HPSE2: variants seen among roughly 807,000 people sequenced by gnomAD.
HPSE2 encodes heparanase 2 (inactive).
HPSE2 carries 38 observed loss-of-function variants against 60.5 expected under a neutral mutation model. The ratio of observed to expected loss-of-function variants is 0.63; its 90% CI spans 0.48 to 0.82. The LOEUF is 0.82. HPSE2 is among the 40% of genes least tolerant of loss of function. The pLI, the probability that HPSE2 is intolerant of heterozygous loss-of-function variation, is 0.00. For missense variants in HPSE2, 713 were observed against 740.4 expected, an observed-to-expected ratio of 0.96 and a Z score of 0.43; for synonymous variants, 295 against 293.2, an observed-to-expected ratio of 1.01 and a Z score of -0.06.
At chr10:98,488,449 A>T (rs1941519894) in intron 10 of HPSE2, among the ~76,000 whole-genome samples, 1 of 152,122 alleles carries the variant, frequency 6.6e-6, no homozygotes, top group South Asian at 2.1e-4. Context: ...TTCATGGTAC[A>T]CTCAGAATAT....
chr10:98,544,712 C>A (rs1943601751), intron 9 of HPSE2, among the ~76,000 whole-genome samples: 3 of 71,044 alleles, frequency 4.2e-5, no homozygotes, highest in African/African-American at 1.8e-4. Flanking sequence ...GACTCCGTCT[C>A]AAAAAAAAAA....
intron 3 of HPSE2, among the ~76,000 whole-genome samples, chr10:99,080,825 T>G (rs1843108399): frequency 6.6e-6 from 1 of 151,992 alleles, no homozygotes; most frequent in East Asian, 1.9e-4. Flanking sequence ...TACAATGAGG[T>G]TTTTTTTCAC....
At chr10:98,887,498 T>C (rs929661790) in intron 3 of HPSE2, among the ~76,000 whole-genome samples, 1 of 151,916 alleles carries the variant, frequency 6.6e-6, no homozygotes, top group Non-Finnish European at 1.5e-5. Flanking sequence ...GCAAGAAGGG[T>C]ATACAGAGAA....
At chr10:98,938,087 G>C (rs1447900583) in intron 3 of HPSE2, among the ~76,000 whole-genome samples, 2 of 140,490 alleles carry the variant, frequency 1.4e-5, no homozygotes, top group Non-Finnish European at 3.0e-5. Context: ...AAACCCATCT[G>C]TACATCACCA....
chr10:98,459,727 C>G lies in HPSE2; in HGVS notation c.1626G>C (p.Leu542=). 6.2e-7 allele frequency: 1 copy of G among 1,613,564 alleles called. No homozygotes were observed. The highest frequency in any genetic ancestry group is 8.5e-7 in the Non-Finnish European group (1 of 1,179,778). ...CCACCATCACTAAGGGCTGGCCATT[C>G]AGTTGCACTGACCTACAGTGAGGAA... ...QEGLKSKSVQ[L]NGQPLVMVDD... The change falls in exon 12 of 12, where the codon CTG becomes CTC. Residue 542 remains leucine (L), a synonymous_variant. Transcript: ENST00000370552.
intron 2 of HPSE2, among the ~76,000 whole-genome samples, chr10:99,207,855 C>T (rs1008446681): frequency 1.3e-5 from 2 of 151,802 alleles, no homozygotes; most frequent in Non-Finnish European, 2.9e-5. Flanking sequence ...CAGTAGATGC[C>T]TGAAACCACA....
chr10:98,494,226 A>C (rs1417872984), intron 9 of HPSE2, among the ~76,000 whole-genome samples: 3 of 152,202 alleles, frequency 2.0e-5, no homozygotes, highest in African/African-American at 7.2e-5. Context: ...AGTATACTGA[A>C]CAAAGGAGAC....
At chr10:99,181,194 T>C (rs10786517) in intron 2 of HPSE2, among the ~76,000 whole-genome samples, 127,778 of 149,078 alleles carry the variant, frequency 0.86, 55,915 homozygotes, top group South Asian at 0.97. Flanking sequence ...GTCAGGAGAT[T>C]GAGACCATCC....
chr10:98,947,956 C>T (rs928459001), intron 3 of HPSE2, among the ~76,000 whole-genome samples: 5 of 152,092 alleles, frequency 3.3e-5, no homozygotes, highest in Admixed American at 6.6e-5. Flanking sequence ...GGATTCAACA[C>T]TGAAGTCATC....
At chr10:98,557,131 T>A (rs1476587509) in intron 9 of HPSE2, among the ~76,000 whole-genome samples, 2 of 151,994 alleles carry the variant, frequency 1.3e-5, no homozygotes, top group Middle Eastern at 3.2e-3. Context: ...GAGAATGGCA[T>A]GAACCCGGGA....
upstream of HPSE2, among the ~76,000 whole-genome samples, chr10:99,240,174 A>G (rs1849916474): frequency 6.6e-6 from 1 of 152,084 alleles, no homozygotes; most frequent in Non-Finnish European, 1.5e-5. Context: ...GGGCGACAAG[A>G]GCAAAACTCC....
intron 2 of HPSE2, among the ~76,000 whole-genome samples, chr10:99,212,867 T>TTGTATATGTATTTA (rs2133912067): frequency 6.6e-6 from 1 of 152,334 alleles, no homozygotes; most frequent in South Asian, 2.1e-4. Flanking sequence ...TATACATATT[T>TTGTATATGTATTTA]CAAAACATCA....
chr10:99,013,166 A>T, intron 3 of HPSE2: 2 of 673,260 alleles, frequency 3.0e-6, no homozygotes, highest in South Asian at 2.8e-5. Context: ...CAGTTAGAGA[A>T]CAGCATGCCT....
At chr10:99,133,092 C>T (rs1315123664) in intron 3 of HPSE2, among the ~76,000 whole-genome samples, 4 of 152,172 alleles carry the variant, frequency 2.6e-5, no homozygotes, top group East Asian at 3.9e-4. Context: ...CTTGAGTAGG[C>T]GGTTTTATGC....
At chr10:98,958,264 G>A (rs1374848174) in intron 3 of HPSE2, among the ~76,000 whole-genome samples, 1 of 152,042 alleles carries the variant, frequency 6.6e-6, no homozygotes, top group African/African-American at 2.4e-5. Flanking sequence ...AGCAGGCCAA[G>A]TAATTTGCAT....
chr10:98,854,613 A>C (rs1472894764), intron 3 of HPSE2, among the ~76,000 whole-genome samples: 1 of 152,250 alleles, frequency 6.6e-6, no homozygotes, highest in Non-Finnish European at 1.5e-5. Context: ...AAGGACAAAT[A>C]TGAATAATAG....
chr10:98,829,529 C>CA (rs905161731), intron 3 of HPSE2, among the ~76,000 whole-genome samples: 50 of 149,158 alleles, frequency 3.4e-4, no homozygotes, highest in African/African-American at 6.2e-4. Context: ...TCAAAAAAAA[C>CA]AAAAAAAAAG....
At chr10:98,738,531 G>A (rs1312670753) in intron 4 of HPSE2, among the ~76,000 whole-genome samples, 1 of 152,122 alleles carries the variant, frequency 6.6e-6, no homozygotes, top group Non-Finnish European at 1.5e-5. Flanking sequence ...TCATCAGAGT[G>A]AACAGGCAAC....
intron 2 of HPSE2, among the ~76,000 whole-genome samples, chr10:99,197,176 CAATT>C (rs1848428282): frequency 6.6e-6 from 1 of 151,946 alleles, no homozygotes; most frequent in African/African-American, 2.4e-5. Flanking sequence ...AAAGTCAAAA[CAATT>C]AAACTCATGG....
Sources: allele counts gnomAD v4.1 joint callset (sites outside exome capture counted in the v4.1 genomes callset), GRCh38; gene constraint gnomAD v4.1.1; transcripts MANE v1.5; gene names NCBI Gene and HGNC (gene_info 2026-07-23, HGNC 2026-07-21).